The following PLXNA4 variants were observed in gnomAD, a reference collection of about 807,000 sequenced individuals.
The protein encoded by PLXNA4 is plexin A4.
PLXNA4 carries 44 observed loss-of-function variants against 191.8 expected under a neutral mutation model. The ratio of observed to expected loss-of-function variants is 0.23; its 90% CI spans 0.18 to 0.29. The LOEUF is 0.29. Among genes scored for constraint, PLXNA4 ranks in the 10% least tolerant of loss-of-function variants. The probability of loss-of-function intolerance (pLI) is 1.00; values close to 1 mark genes in which losing one functional copy is unlikely to be tolerated. For synonymous variants in PLXNA4, 1,082 were observed against 1,009.5 expected, an observed-to-expected ratio of 1.07 and a Z score of -1.36; for missense variants, 1,800 against 2,488.8, an observed-to-expected ratio of 0.72 and a Z score of 5.89.
At chr7:132,494,071 G>C (rs1797910274) in intron 2 of PLXNA4, among the ~76,000 whole-genome samples, 1 of 152,324 alleles carries the variant, frequency 6.6e-6, no homozygotes, top group East Asian at 1.9e-4. Flanking sequence ...CACTCTTGTT[G>C]TTTGTTGTCA....
rs777575896 is a variant in PLXNA4 at position 132,145,148 on chromosome 7, C to T, written c.5196G>A (p.Pro1732=). ...TGCTCTTCCAGGTATGGCGGACGTG[C>T]GGGTCATGAATGCCATGTTTATCAG... ...EQADKHGIHD[P]HVRHTWKSNC... The change falls in exon 29 of 32, where the codon CCG becomes CCA. Residue 1732 remains proline, a synonymous_variant. Transcript: ENST00000321063. The T allele has an allele frequency of 6.4e-5, 103 of 1,613,964 alleles. No homozygotes were observed. Among genetic ancestry groups the T allele is most frequent in the East Asian group, 2.5e-4 (11 of 44,884 alleles).
intron 1 of PLXNA4, among the ~76,000 whole-genome samples, chr7:132,523,579 A>G (rs1163343691): frequency 1.3e-5 from 2 of 152,240 alleles, no homozygotes; most frequent in Admixed American, 1.3e-4. Flanking sequence ...AAATGGCAGG[A>G]AAAGCCATGA....
intron 4 of PLXNA4, among the ~76,000 whole-genome samples, chr7:132,278,824 C>T (rs2116379410): frequency 6.6e-6 from 1 of 152,262 alleles, no homozygotes; most frequent in East Asian, 1.9e-4. Flanking sequence ...CTTGATTTGC[C>T]TGAGGTTTAT....
At chr7:132,401,474 C>G (rs1193520376) in intron 3 of PLXNA4, among the ~76,000 whole-genome samples, 3 of 152,136 alleles carry the variant, frequency 2.0e-5, no homozygotes, top group African/African-American at 7.2e-5. Context: ...CACATGAAAT[C>G]CAGAAACAAT....
At chr7:132,232,914 A>G (rs1423287427) in intron 5 of PLXNA4, among the ~76,000 whole-genome samples, 6 of 152,172 alleles carry the variant, frequency 3.9e-5, no homozygotes, top group African/African-American at 1.2e-4. Context: ...TGAACCGCCA[A>G]GCTTGGAGGG....
intron 4 of PLXNA4, among the ~76,000 whole-genome samples, chr7:132,273,336 ACACACG>A (rs1261402500): frequency 6.0e-5 from 9 of 150,948 alleles, no homozygotes; most frequent in Admixed American, 2.0e-4. Context: ...ACACACACAC[ACACACG>A]CACACACACA....
chr7:132,631,569 C>T (rs1257664113), intron 2 of PLXNA4, among the ~76,000 whole-genome samples: 3 of 152,102 alleles, frequency 2.0e-5, no homozygotes, highest in Non-Finnish European at 2.9e-5. Context: ...AGATGGTACC[C>T]CAGGCTGGAA....
chr7:132,585,897 C>T (rs961794006), intron 2 of PLXNA4, among the ~76,000 whole-genome samples: 5 of 152,142 alleles, frequency 3.3e-5, no homozygotes, highest in Non-Finnish European at 5.9e-5. Flanking sequence ...CTTCAACATA[C>T]GAATTGAGAG....
intron 3 of PLXNA4, among the ~76,000 whole-genome samples, chr7:132,462,082 CA>C: frequency 6.6e-6 from 1 of 152,046 alleles, no homozygotes; most frequent in African/African-American, 2.4e-5. Context: ...TTGAAATTAT[CA>C]TAATGTAAAA....
At chr7:132,130,893 C>T (rs528541474) in intron 31 of PLXNA4, among the ~76,000 whole-genome samples, 5 of 152,106 alleles carry the variant, frequency 3.3e-5, no homozygotes, top group African/African-American at 7.2e-5. Context: ...GTGCCTGTGC[C>T]GAGATGCTGC....
intron 2 of PLXNA4, among the ~76,000 whole-genome samples, chr7:132,627,857 A>G (rs1481470664): frequency 6.6e-6 from 1 of 152,236 alleles, no homozygotes; most frequent in Non-Finnish European, 1.5e-5. Flanking sequence ...TCTGTTCTTT[A>G]TAAATAACCC....
intron 21 of PLXNA4, among the ~76,000 whole-genome samples, chr7:132,173,538 C>CA (rs1796356779): frequency 6.6e-6 from 1 of 152,132 alleles, no homozygotes. Flanking sequence ...CCCATGCCCT[C>CA]AATATAGAAA....
chr7:132,259,436 CAAAAAAAAAAAAAAAAAAA>C (rs55902635), intron 4 of PLXNA4, among the ~76,000 whole-genome samples: 28 of 33,868 alleles, frequency 8.3e-4, no homozygotes, highest in Middle Eastern at 0.038. Context: ...AACTCCAACT[CAAAAAAAAAAAAAAAAAAA>C]AAAAAAAAAA....
intron 25 of PLXNA4, among the ~76,000 whole-genome samples, chr7:132,156,135 TACACACACACACAC>T (rs57153762): frequency 1.0e-3 from 135 of 133,100 alleles, no homozygotes; most frequent in African/African-American, 2.7e-3. Flanking sequence ...TTTCTGGACA[TACACACACACACAC>T]ACACACACAC....
At chr7:132,176,292 T>TA (rs1360469076) in intron 20 of PLXNA4, among the ~76,000 whole-genome samples, 1 of 152,230 alleles carries the variant, frequency 6.6e-6, no homozygotes, top group Non-Finnish European at 1.5e-5. Context: ...GGGTTCCTGA[T>TA]ATGTAGGCTG....
At chr7:132,603,045 A>C (rs1273198197) in intron 2 of PLXNA4, among the ~76,000 whole-genome samples, 5 of 152,188 alleles carry the variant, frequency 3.3e-5, no homozygotes, top group Admixed American at 6.5e-5. Flanking sequence ...TACCAAAAGT[A>C]CCCAGAAAAG....
intron 4 of PLXNA4, among the ~76,000 whole-genome samples, chr7:132,249,571 A>G (rs1799175586): frequency 6.6e-6 from 1 of 152,214 alleles, no homozygotes; most frequent in South Asian, 2.1e-4. Context: ...GTTATTAGCC[A>G]GACCCCTTGC....
At chr7:132,420,295 C>G (rs1794805215) in intron 3 of PLXNA4, among the ~76,000 whole-genome samples, 1 of 152,232 alleles carries the variant, frequency 6.6e-6, no homozygotes, top group Non-Finnish European at 1.5e-5. Context: ...CTTGAAATGT[C>G]TCTTTGCTTG....
At chr7:132,267,473 C>T (rs932619902) in intron 4 of PLXNA4, among the ~76,000 whole-genome samples, 2 of 152,158 alleles carry the variant, frequency 1.3e-5, no homozygotes, top group African/African-American at 2.4e-5. Flanking sequence ...TATCTTCCAG[C>T]TAATCATGAG....
Sources: allele counts gnomAD v4.1 joint callset (sites outside exome capture counted in the v4.1 genomes callset), GRCh38; gene constraint gnomAD v4.1.1; transcripts MANE v1.5; gene names NCBI Gene and HGNC (gene_info 2026-07-23, HGNC 2026-07-21).